CYB5R4: variants seen among roughly 807,000 people sequenced by gnomAD.
The protein encoded by CYB5R4 is N-terminal cytochrome b5 and cytochrome b5 oxidoreductase domain-containing protein.
A neutral mutation model predicts 70.2 loss-of-function variants in CYB5R4; 55 were observed. The ratio of observed to expected loss-of-function variants is 0.78; its 90% CI spans 0.63 to 0.98. CYB5R4 has a LOEUF of 0.98. CYB5R4 is among the 50% of genes least tolerant of loss of function. The pLI, the probability that CYB5R4 is intolerant of heterozygous loss-of-function variation, is 0.00. For synonymous variants in CYB5R4, 197 were observed against 199.5 expected (o/e 0.99, Z 0.11); for missense variants, 562 against 612.6 (o/e 0.92, Z 0.87).
chr6:83,929,070 C>T (rs1414876102), intron 10 of CYB5R4, among the ~76,000 whole-genome samples: 2 of 152,116 alleles, frequency 1.3e-5, no homozygotes, highest in African/African-American at 4.8e-5. Context: ...TGGAAAATGA[C>T]TTGGAGTTTA....
rs777693554 is a variant in CYB5R4 at position 83,909,135 on chromosome 6, T to A, written c.412+45T>A. On this transcript the variant is annotated intron_variant, in intron 4 of 15. Transcript: ENST00000369681. ...AACCAGCATGGATGTGTGGTGCACATGTATTTTTTTTTAACTTGGATTTAA... is the reference window on the plus strand; with the variant it reads ...AACCAGCATGGATGTGTGGTGCACAAGTATTTTTTTTTAACTTGGATTTAA... 3.9e-6 allele frequency: 6 copies of A among 1,528,230 alleles called. No homozygotes were observed. The South Asian group carries it at 6.8e-5, about 17-fold the overall frequency. 94.7% of individuals were successfully genotyped at this position (1,528,230 alleles called of 1,614,324 possible).
chr6:83,895,291 G>C (rs1256636307), intron 3 of CYB5R4, among the ~76,000 whole-genome samples: 1 of 151,950 alleles, frequency 6.6e-6, no homozygotes, highest in Non-Finnish European at 1.5e-5. Flanking sequence ...TTAGCCTCCC[G>C]AGTAGCTGAG....
intron 14 of CYB5R4, among the ~76,000 whole-genome samples, chr6:83,943,396 A>T (rs575797178): frequency 1.3e-5 from 2 of 152,126 alleles, no homozygotes; most frequent in African/African-American, 2.4e-5. Flanking sequence ...GTAAACTAAC[A>T]AACAGAAAGC....
chr6:83,955,201 T>C, intron 14 of CYB5R4, 97 bp from the exon 15 acceptor site: 1 of 987,416 alleles, frequency 1.0e-6, no homozygotes, highest in South Asian at 2.2e-5. Context: ...ATATATTAAA[T>C]TGTTCCTTTA....
intron 2 of CYB5R4, among the ~76,000 whole-genome samples, chr6:83,870,433 T>G (rs993940620): frequency 2.0e-5 from 3 of 146,814 alleles, no homozygotes; most frequent in African/African-American, 8.1e-5. Context: ...TAGAGCTGAT[T>G]TATCTAACCG....
intron 12 of CYB5R4, 27 bp from the exon 13 acceptor site, chr6:83,940,029 T>A: frequency 7.0e-7 from 1 of 1,421,434 alleles, no homozygotes; most frequent in Non-Finnish European, 9.5e-7. Context: ...TTTTTTTTTC[T>A]GATTTAGCTT....
At chr6:83,906,387 T>C (rs1238775849) in intron 3 of CYB5R4, among the ~76,000 whole-genome samples, 1 of 152,162 alleles carries the variant, frequency 6.6e-6, no homozygotes, top group Non-Finnish European at 1.5e-5. Flanking sequence ...TCGTTTACTG[T>C]AGCTGCTTAG....
At chr6:83,918,645 A>G (rs1194967566) in intron 6 of CYB5R4, among the ~76,000 whole-genome samples, 2 of 152,050 alleles carry the variant, frequency 1.3e-5, no homozygotes, top group Non-Finnish European at 2.9e-5. Flanking sequence ...GAATTCTTCA[A>G]AATATATTGC....
intron 14 of CYB5R4, among the ~76,000 whole-genome samples, chr6:83,941,663 A>C (rs954861997): frequency 6.6e-6 from 1 of 152,124 alleles, no homozygotes; most frequent in Admixed American, 6.5e-5. Flanking sequence ...TCTTTTAATA[A>C]ATGACTTTCA....
chr6:83,875,514 G>A (rs1011444937), intron 2 of CYB5R4, among the ~76,000 whole-genome samples: 7 of 152,214 alleles, frequency 4.6e-5, no homozygotes, highest in African/African-American at 1.7e-4. Flanking sequence ...AAGTGTTCCC[G>A]ATCCAGACCC....
At chr6:83,918,498 C>G (rs1243520263) in intron 6 of CYB5R4, among the ~76,000 whole-genome samples, 1 of 151,840 alleles carries the variant, frequency 6.6e-6, no homozygotes, top group African/African-American at 2.4e-5. Context: ...ATTGGTATGA[C>G]AGTATATGAG....
chr6:83,893,121 G>A (rs1483153579), intron 2 of CYB5R4, among the ~76,000 whole-genome samples: 1 of 152,174 alleles, frequency 6.6e-6, no homozygotes, highest in Non-Finnish European at 1.5e-5. Context: ...AAAGATTCCA[G>A]TTTCCTGAGC....
intron 15 of CYB5R4, among the ~76,000 whole-genome samples, chr6:83,957,438 T>C (rs2099472591): frequency 6.6e-6 from 1 of 151,990 alleles, no homozygotes; most frequent in Admixed American, 6.6e-5. Context: ...CTGGCCAACA[T>C]GGTGAAACCC....
In CYB5R4 at chr6:83,859,886, C is replaced by G. The variant is rs192808970; in HGVS notation, c.75+29C>G. ...AGCGGGTGGCTCCGTGAGTCTCTCC[C>G]CTCGCTGCGTTTCGAGCTCTGGCAG... On this transcript the variant is annotated intron_variant, in intron 1 of 15. Transcript: ENST00000369681. The G allele has an allele frequency of 1.8e-5, 28 of 1,591,940 alleles. No individual in the cohort carries two copies. In the East Asian group the frequency reaches 5.7e-4, roughly 32 times the overall value.
chr6:83,927,877 C>G (rs533790772), intron 10 of CYB5R4, among the ~76,000 whole-genome samples: 1 of 152,216 alleles, frequency 6.6e-6, no homozygotes, highest in East Asian at 1.9e-4. Flanking sequence ...GTTGGTTTCC[C>G]AGGCAGACAG....
chr6:83,954,415 G>A (rs555759799), intron 14 of CYB5R4, among the ~76,000 whole-genome samples: 17 of 152,188 alleles, frequency 1.1e-4, no homozygotes, highest in African/African-American at 3.9e-4. Flanking sequence ...TGGGTTCAGG[G>A]GGTACATGTG....
intron 2 of CYB5R4, among the ~76,000 whole-genome samples, chr6:83,878,304 T>C (rs1346232011): frequency 2.0e-5 from 3 of 152,206 alleles, no homozygotes; most frequent in Non-Finnish European, 4.4e-5. Context: ...TGCTGTTTTC[T>C]CTTTTGACAA....
chr6:83,864,069 A>C (rs2099456398), intron 1 of CYB5R4, 106 bp from the exon 2 acceptor site: 1 of 1,069,656 alleles, frequency 9.3e-7, no homozygotes, highest in Admixed American at 3.1e-5. Context: ...AGCCTCTTAA[A>C]ACTGTAAAAG....
At position 83,917,861 on chromosome 6, in the gene CYB5R4, G is replaced by A. The variant is rs2099465761; in HGVS notation, c.446-144G>A. The A allele has an allele frequency of 1.1e-5, 7 of 645,384 alleles. No individual in the cohort carries two copies. In the East Asian group the frequency reaches 1.7e-4, roughly 16 times the overall value. The allele number at this position is 645,384 out of a possible 1,614,324, so 40.0% of individuals were successfully genotyped here. Reference sequence around the variant, plus strand: ...CACTTTATCACGGCCTTTTGGCTAAGATCAAGTGAAAATATATTGAGTAGT... The same window carrying A: ...CACTTTATCACGGCCTTTTGGCTAAAATCAAGTGAAAATATATTGAGTAGT... On this transcript the variant is annotated intron_variant, in intron 5 of 15. Transcript: ENST00000369681.
Sources: allele counts gnomAD v4.1 joint callset (sites outside exome capture counted in the v4.1 genomes callset), GRCh38; gene constraint gnomAD v4.1.1; transcripts MANE v1.5; gene names NCBI Gene and HGNC (gene_info 2026-07-23, HGNC 2026-07-21).